The following HIPK2 variants were observed in gnomAD, a reference collection of about 807,000 sequenced individuals.
The protein encoded by HIPK2 is homeodomain interacting protein kinase 2.
HIPK2 carries 27 observed loss-of-function variants against 113.7 expected under a neutral mutation model. The observed-to-expected ratio is 0.24, with a 90% CI of 0.17 to 0.33. The LOEUF is 0.33. Among genes scored for constraint, HIPK2 ranks in the 10% least tolerant of loss-of-function variants. The pLI is 1.00. For synonymous variants in HIPK2, 631 were observed against 642.2 expected, an observed-to-expected ratio of 0.98 and a Z score of 0.26; for missense variants, 1,257 against 1,588.0, an observed-to-expected ratio of 0.79 and a Z score of 3.54.
In HIPK2 at chr7:139,573,152, T is replaced by C; in HGVS notation, c.3372A>G (p.Gln1124=). ...TGTVAHLVAS[Q]GSARHTVQHT... ...GCTGCACGGTGTGGCGCGCAGAGCC[T>C]TGCGAGGCCACCAGGTGGGCCACGG... is the stretch of plus-strand genomic sequence containing the variant. Residue 1124 remains glutamine (Q), a synonymous_variant, in exon 15 of 15, where the codon CAA becomes CAG. Coordinates refer to ENST00000406875, the MANE Select transcript of HIPK2 (RefSeq NM_022740.5). The C allele has an allele frequency of 6.2e-7, 1 of 1,611,098 alleles. No homozygotes were observed. Among genetic ancestry groups the C allele is most frequent in the Non-Finnish European group, 8.5e-7 (1 of 1,179,348 alleles).
chr7:139,735,510 C>G (rs578031020), intron 1 of HIPK2, among the ~76,000 whole-genome samples: 1 of 152,340 alleles, frequency 6.6e-6, no homozygotes, highest in East Asian at 1.9e-4. Flanking sequence ...CCAGGAATAT[C>G]TGCTGAGCAC....
At chr7:139,629,240 G>A (rs961053563) in intron 4 of HIPK2, among the ~76,000 whole-genome samples, 1 of 152,044 alleles carries the variant, frequency 6.6e-6, no homozygotes, top group African/African-American at 2.4e-5. Context: ...CTATGCACAC[G>A]TGTCAGGGGC....
chr7:139,606,294 C>A (rs984397380), intron 9 of HIPK2, among the ~76,000 whole-genome samples: 1 of 152,114 alleles, frequency 6.6e-6, no homozygotes, highest in African/African-American at 2.4e-5. Context: ...AATACCAGTT[C>A]TGTGAGGTAG....
intron 2 of HIPK2, among the ~76,000 whole-genome samples, chr7:139,700,661 G>A (rs1041341262): frequency 1.1e-4 from 16 of 152,208 alleles, no homozygotes; most frequent in African/African-American, 7.2e-5. Flanking sequence ...CATTTCTCTC[G>A]TGAGGCTTTC....
At chr7:139,609,207 G>C (rs1242218363) in intron 9 of HIPK2, among the ~76,000 whole-genome samples, 3 of 152,190 alleles carry the variant, frequency 2.0e-5, no homozygotes, top group Non-Finnish European at 4.4e-5. Context: ...GGGCTTGGGA[G>C]GATGGAGTTG....
chr7:139,708,449 C>T (rs1794970888), intron 2 of HIPK2, among the ~76,000 whole-genome samples: 1 of 152,162 alleles, frequency 6.6e-6, no homozygotes, highest in South Asian at 2.1e-4. Flanking sequence ...AGAGGGCCTG[C>T]TCATTAGGTT....
chr7:139,731,204 G>A (rs1223470331), intron 1 of HIPK2, among the ~76,000 whole-genome samples: 1 of 152,222 alleles, frequency 6.6e-6, no homozygotes, highest in Non-Finnish European at 1.5e-5. Flanking sequence ...CAATCGCAAA[G>A]TGACGCTGGC....
intron 1 of HIPK2, among the ~76,000 whole-genome samples, chr7:139,745,344 A>T (rs1480545426): frequency 6.6e-6 from 1 of 152,104 alleles, no homozygotes; most frequent in Non-Finnish European, 1.5e-5. Context: ...AGGAATGAGG[A>T]GTTCTGGATT....
chr7:139,600,741 C>T (rs2116685793), intron 10 of HIPK2, 145 bp from the exon 11 acceptor site: 3 of 854,710 alleles, frequency 3.5e-6, no homozygotes, highest in Non-Finnish European at 5.3e-6. Context: ...ATGAGCCTGG[C>T]CATGTGTGCT....
chr7:139,583,722 G>T (rs750273093), intron 13 of HIPK2, 95 bp downstream of exon 13: 1 of 1,532,598 alleles, frequency 6.5e-7, no homozygotes, highest in Non-Finnish European at 8.8e-7. Context: ...ACTTTCTATT[G>T]TACTAGCTCC....
At chr7:139,649,249 C>T (rs1801365778) in intron 2 of HIPK2, among the ~76,000 whole-genome samples, 1 of 152,134 alleles carries the variant, frequency 6.6e-6, no homozygotes, top group East Asian at 1.9e-4. Context: ...ACTGCTGCGG[C>T]GGGTGGCTGC....
intron 12 of HIPK2, among the ~76,000 whole-genome samples, chr7:139,587,319 G>A (rs566342853): frequency 7.2e-5 from 11 of 151,746 alleles, no homozygotes; most frequent in Non-Finnish European, 1.5e-4. Flanking sequence ...GTGAAAATCC[G>A]TCTCTACTAA....
intron 12 of HIPK2, among the ~76,000 whole-genome samples, chr7:139,594,559 C>G (rs1284418595): frequency 6.6e-6 from 1 of 152,184 alleles, no homozygotes; most frequent in East Asian, 1.9e-4. Flanking sequence ...TTTTATCCTA[C>G]TCAGACTCAA....
At chr7:139,745,507 G>T (rs1796175194) in intron 1 of HIPK2, among the ~76,000 whole-genome samples, 2 of 152,194 alleles carry the variant, frequency 1.3e-5, no homozygotes, top group African/African-American at 4.8e-5. Flanking sequence ...GGGCCTCGAG[G>T]ACTCTAAGTT....
In HIPK2 at chr7:139,561,646, T is replaced by C. The variant is rs1797950231; in HGVS notation, c.*11281A>G. 1 of 152,148 alleles carries C rather than the reference T, an allele frequency of 6.6e-6. No homozygotes were observed. Among genetic ancestry groups the C allele is most frequent in the South Asian group, 2.1e-4 (1 of 4,826 alleles). The allele number at this position is 152,148 out of a possible 1,614,324, so 9.4% of individuals were successfully genotyped here. A position where few individuals can be genotyped will look rare whatever the true frequency, so the allele number is the denominator to read the frequency against. On this transcript the variant is annotated 3_prime_UTR_variant, in exon 15 of 15. Coordinates refer to ENST00000406875, the MANE Select transcript of HIPK2 (RefSeq NM_022740.5). The stretch of plus-strand genomic sequence containing the variant: ...TTTCTACACATATACAATATGCATA[T>C]GTGAGTTTACAAATTTTAATTAATA...
chr7:139,662,997 G>T (rs1189909409), intron 2 of HIPK2, among the ~76,000 whole-genome samples: 1 of 152,100 alleles, frequency 6.6e-6, no homozygotes, highest in Non-Finnish European at 1.5e-5. Context: ...GACTATCAGG[G>T]CTCTCCATCA....
intron 1 of HIPK2, among the ~76,000 whole-genome samples, chr7:139,719,869 T>C (rs1383766626): frequency 1.3e-5 from 2 of 152,218 alleles, no homozygotes. Flanking sequence ...AGACATCTCA[T>C]CTACCTGAGC....
chr7:139,592,663 T>C (rs1036696870), intron 12 of HIPK2, among the ~76,000 whole-genome samples: 5 of 152,202 alleles, frequency 3.3e-5, no homozygotes, highest in Admixed American at 6.5e-5. Context: ...AAGGTAAAGA[T>C]AGCAGGGGGG....
chr7:139,701,345 T>C (rs902219377), intron 2 of HIPK2, among the ~76,000 whole-genome samples: 11 of 152,126 alleles, frequency 7.2e-5, no homozygotes, highest in African/African-American at 1.7e-4. Flanking sequence ...GAAATAGTAA[T>C]GTATTTATAG....
Sources: gnomAD v4.1 joint callset for allele counts (sites outside exome capture counted in the v4.1 genomes callset) on GRCh38, gnomAD v4.1.1 for gene constraint, MANE v1.5 for transcripts, NCBI Gene and HGNC (gene_info 2026-07-23, HGNC 2026-07-21) for gene names.